ZBTB16: variants seen among roughly 807,000 people sequenced by gnomAD.
ZBTB16 encodes zinc finger and BTB domain-containing protein 16.
In ZBTB16, 8 loss-of-function variants were observed where a neutral mutation model predicts 56.8. That is an observed-to-expected ratio of 0.14 (90% confidence interval 0.08 to 0.25). The LOEUF is 0.25. Ranked by LOEUF, ZBTB16 falls within the 10% of genes least tolerant of loss-of-function variation. The pLI is 1.00. For synonymous variants in ZBTB16, 363 were observed against 368.5 expected, an observed-to-expected ratio of 0.98 and a Z score of 0.17; for missense variants, 625 against 903.0, an observed-to-expected ratio of 0.69 and a Z score of 3.95.
intron 2 of ZBTB16, among the ~76,000 whole-genome samples, chr11:114,141,719 G>T (rs559577931): frequency 6.6e-6 from 1 of 152,118 alleles, no homozygotes; most frequent in East Asian, 1.9e-4. Context: ...TAAACTTCCC[G>T]TTCTACTAAC....
At chr11:114,137,169 G>C (rs1941819440) in intron 2 of ZBTB16, among the ~76,000 whole-genome samples, 1 of 152,228 alleles carries the variant, frequency 6.6e-6, no homozygotes, top group African/African-American at 2.4e-5. Context: ...GCATGCAGCA[G>C]TGACCTTTGG....
At chr11:114,186,805 G>T in intron 3 of ZBTB16, 147 bp from the exon 4 acceptor site, 1 of 747,216 alleles carries the variant, frequency 1.3e-6, no homozygotes, top group East Asian at 2.6e-5. Flanking sequence ...TTGGAGGAGG[G>T]TCTGAGCCAT....
intron 4 of ZBTB16, among the ~76,000 whole-genome samples, chr11:114,208,043 C>T (rs575065630): frequency 5.1e-4 from 77 of 152,344 alleles, no homozygotes; most frequent in Non-Finnish European, 7.6e-4. Flanking sequence ...ACCACCACGC[C>T]TGGCCTTGCC....
In ZBTB16 at chr11:114,147,204, A is replaced by G. The variant is rs1262855196; in HGVS notation, c.1269-9133A>G. Reference sequence around the variant, plus strand: ...AGAGGAACTTTCTTCTTAGGCCTTTAATAAACCTCAGTTATTCTCAACAAT... The same window carrying G: ...AGAGGAACTTTCTTCTTAGGCCTTTGATAAACCTCAGTTATTCTCAACAAT... On this transcript the variant is annotated intron_variant, in intron 2 of 6. Transcript: ENST00000335953. Among the ~76,000 whole-genome samples, 3 of 152,234 alleles carry G rather than the reference A, an allele frequency of 2.0e-5. No homozygotes were observed. The East Asian group carries it at 5.8e-4, about 29-fold the overall frequency.
At chr11:114,091,472 G>A (rs1381900836) in intron 2 of ZBTB16, among the ~76,000 whole-genome samples, 1 of 152,022 alleles carries the variant, frequency 6.6e-6, no homozygotes, top group African/African-American at 2.4e-5. Context: ...GCTGGTGCTC[G>A]GTGGTCACCG....
At chr11:114,234,940 A>G (rs1340161988) in intron 4 of ZBTB16, among the ~76,000 whole-genome samples, 2 of 151,858 alleles carry the variant, frequency 1.3e-5, no homozygotes, top group African/African-American at 4.8e-5. Context: ...TGATGGTTTG[A>G]GTGTGTGGTC....
chr11:114,104,350 G>A (rs934120517), intron 2 of ZBTB16, among the ~76,000 whole-genome samples: 32 of 152,268 alleles, frequency 2.1e-4, no homozygotes, highest in Non-Finnish European at 2.4e-4. Context: ...GGGGAAAGAC[G>A]GAGTTAGCTG....
intron 2 of ZBTB16, among the ~76,000 whole-genome samples, chr11:114,141,065 C>T (rs1270880652): frequency 3.3e-5 from 5 of 152,150 alleles, no homozygotes; most frequent in Middle Eastern, 3.2e-3. Flanking sequence ...CTACCGCCTC[C>T]GCAGGCTCCT....
chr11:114,118,232 A>G (rs1941236472), intron 2 of ZBTB16, among the ~76,000 whole-genome samples: 1 of 152,108 alleles, frequency 6.6e-6, no homozygotes, highest in Admixed American at 6.6e-5. Context: ...GCTGGAGTGC[A>G]GTGGTGCGAT....
Position 114,063,859 on chromosome 11 carries a change from G to A in ZBTB16, c.559G>A (p.Val187Ile). 6.2e-7 allele frequency: 1 copy of A among 1,614,166 alleles called. No individual in the cohort carries two copies. The highest frequency in any genetic ancestry group is 8.5e-7 in the Non-Finnish European group (1 of 1,180,040). The change falls in exon 2 of 7, where the codon GTC becomes ATC. Residue 187 changes from valine to isoleucine, a missense_variant. This residue lies in a region of ZBTB16 where 384 missense variants were observed against 393.5 expected (regional missense o/e 0.98). Coordinates refer to ENST00000335953, the MANE Select transcript of ZBTB16 (RefSeq NM_006006.6). The surrounding 1 kb of genome is among the most constrained non-coding windows in gnomAD (Gnocchi z 6.5). ...PGPMVDQSPS[V>I]STSFGLSAMS... ...GCCCATGGTGGACCAGAGCCCTTCA[G>A]TCTCCACTTCATTTGGTCTTTCAGC...
intron 6 of ZBTB16, among the ~76,000 whole-genome samples, chr11:114,247,756 G>C (rs1259829358): frequency 6.6e-6 from 1 of 152,220 alleles, no homozygotes; most frequent in Non-Finnish European, 1.5e-5. Flanking sequence ...AAGGGTTAGA[G>C]TAAGAATTAG....
rs1024670646 is a variant in ZBTB16, at chr11:114,251,817, G to A, written c.*1262G>A. Among the ~76,000 whole-genome samples, 4 of 152,186 alleles carry A rather than the reference G, an allele frequency of 2.6e-5. No homozygotes were observed. Among genetic ancestry groups the A allele is most frequent in the African/African-American group, 9.6e-5 (4 of 41,456 alleles). Reference sequence around the variant, plus strand: ...GAGGATTTGAAAGCGCTTTGGCCTTGTGTTATGTTTTGCTTCTTTTCTGTG... The same window carrying A: ...GAGGATTTGAAAGCGCTTTGGCCTTATGTTATGTTTTGCTTCTTTTCTGTG... On this transcript the variant is annotated 3_prime_UTR_variant, in exon 7 of 7. Transcript: ENST00000335953.
At chr11:114,109,210 G>T (rs1241600488) in intron 2 of ZBTB16, among the ~76,000 whole-genome samples, 1 of 152,214 alleles carries the variant, frequency 6.6e-6, no homozygotes, top group African/African-American at 2.4e-5. Context: ...TCTGAATGTG[G>T]CAGTTGTCTC....
At position 114,251,109 on chromosome 11, in the gene ZBTB16, A is replaced by G. The variant is rs536984176; in HGVS notation, c.*554A>G. Among the ~76,000 whole-genome samples the G allele has an allele frequency of 6.6e-6, 1 of 152,132 alleles. No individual in the cohort carries two copies. Among genetic ancestry groups the G allele is most frequent in the East Asian group, 1.9e-4 (1 of 5,158 alleles). ...GGCTCTGTTTCTCTTCCCACCACTC[A>G]GCCCACCTGCTGCTTTCCTCTGCTT... On this transcript the variant is annotated 3_prime_UTR_variant, in exon 7 of 7. Coordinates refer to ENST00000335953, the MANE Select transcript of ZBTB16 (RefSeq NM_006006.6).
At chr11:114,209,320 G>A (rs1470038636) in intron 4 of ZBTB16, 3 of 929,044 alleles carry the variant, frequency 3.2e-6, no homozygotes, top group Non-Finnish European at 3.9e-6. Flanking sequence ...GTATGCATGT[G>A]TATGTAGGCT....
At chr11:114,241,359 C>T (rs1245593324) in intron 4 of ZBTB16, among the ~76,000 whole-genome samples, 3 of 152,158 alleles carry the variant, frequency 2.0e-5, no homozygotes, top group Non-Finnish European at 4.4e-5. Flanking sequence ...ACCCCCGGGC[C>T]ATGGTCTGTG....
chr11:114,179,943 T>C (rs1048663175), intron 3 of ZBTB16, among the ~76,000 whole-genome samples: 53 of 152,230 alleles, frequency 3.5e-4, no homozygotes, highest in Non-Finnish European at 7.4e-5. Context: ...TTTATTGTCA[T>C]TGGGATCCTG....
chr11:114,129,252 A>C (rs1335871735), intron 2 of ZBTB16, among the ~76,000 whole-genome samples: 1 of 152,208 alleles, frequency 6.6e-6, no homozygotes, highest in African/African-American at 2.4e-5. Context: ...TGTTCATGCT[A>C]TTTTAATCTG....
chr11:114,075,259 A>G (rs1939505740), intron 2 of ZBTB16, among the ~76,000 whole-genome samples: 1 of 152,120 alleles, frequency 6.6e-6, no homozygotes, highest in Non-Finnish European at 1.5e-5. Context: ...GACCGTGGCA[A>G]GATTCCTCAC....
Sources: allele counts gnomAD v4.1 joint callset (sites outside exome capture counted in the v4.1 genomes callset), GRCh38; gene constraint gnomAD v4.1.1; regional missense constraint gnomAD v4.1.1; non-coding constraint Gnocchi (gnomAD v3.1); transcripts MANE v1.5; gene names NCBI Gene and HGNC (gene_info 2026-07-23, HGNC 2026-07-21).